The following PPM1E variants were observed in gnomAD, a reference collection of about 807,000 sequenced individuals.
The protein encoded by PPM1E is protein phosphatase 1E.
PPM1E carries 20 observed loss-of-function variants against 65.9 expected under a neutral mutation model. The observed-to-expected ratio is 0.30, with a 90% CI of 0.21 to 0.44. The LOEUF (loss-of-function observed/expected upper bound fraction) is 0.44, where lower values mean the gene tolerates loss of function less well. PPM1E is among the 20% of genes least tolerant of loss of function. The probability of loss-of-function intolerance (pLI) is 1.00; values close to 1 mark genes in which losing one functional copy is unlikely to be tolerated. For synonymous variants in PPM1E, 352 were observed against 374.9 expected (o/e 0.94, Z 0.70); for missense variants, 713 against 953.1 (o/e 0.75, Z 3.32).
At chr17:58,762,808 G>T (rs2049835121) in intron 1 of PPM1E, among the ~76,000 whole-genome samples, 1 of 150,228 alleles carries the variant, frequency 6.7e-6, no homozygotes, top group Non-Finnish European at 1.5e-5. Flanking sequence ...TGAGGCAGGA[G>T]AATGGCGTGA....
chr17:58,977,663 T>C (rs1028948366), intron 6 of PPM1E, among the ~76,000 whole-genome samples: 8 of 152,210 alleles, frequency 5.3e-5, no homozygotes, highest in African/African-American at 1.9e-4. Context: ...TGTGCCCACA[T>C]TGGTTCTAGC....
intron 1 of PPM1E, among the ~76,000 whole-genome samples, chr17:58,940,789 C>T (rs1023162009): frequency 3.9e-5 from 6 of 152,152 alleles, no homozygotes; most frequent in African/African-American, 1.4e-4. Flanking sequence ...GGACTCACTG[C>T]AACCTGCACC....
At chr17:58,792,025 G>A (rs8068677) in intron 1 of PPM1E, among the ~76,000 whole-genome samples, 21,983 of 151,520 alleles carry the variant, frequency 0.15, 2,470 homozygotes, top group East Asian at 0.31. Context: ...TCCCATCTTT[G>A]TGTCTTTCTT....
intron 1 of PPM1E, among the ~76,000 whole-genome samples, chr17:58,840,707 GAAAT>G (rs531852551): frequency 2.3e-4 from 35 of 152,218 alleles, no homozygotes; most frequent in African/African-American, 8.2e-4. Context: ...GGAAAATTTA[GAAAT>G]ATTTGAGCAA....
chr17:58,872,211 T>C (rs1053409561), intron 1 of PPM1E, among the ~76,000 whole-genome samples: 3 of 151,878 alleles, frequency 2.0e-5, no homozygotes, highest in African/African-American at 7.3e-5. Flanking sequence ...ACAGGAGAAT[T>C]GCTTGAACCC....
chr17:58,951,329 T>C (rs2052235512), intron 1 of PPM1E: 1 of 152,214 alleles, frequency 6.6e-6, no homozygotes, highest in South Asian at 2.1e-4. Context: ...GGTGACCTTC[T>C]GGGAGCAGAG....
intron 1 of PPM1E, among the ~76,000 whole-genome samples, chr17:58,863,208 T>A (rs2050961150): frequency 6.6e-6 from 1 of 152,218 alleles, no homozygotes. Context: ...CTCACGCCTG[T>A]AATCCCAACA....
intron 1 of PPM1E, among the ~76,000 whole-genome samples, chr17:58,765,877 CTTTTTTTTTTTT>C (rs35401844): frequency 3.3e-5 from 4 of 122,884 alleles, no homozygotes; most frequent in Non-Finnish European, 6.9e-5. Context: ...TTTGTAGTTT[CTTTTTTTTTTTT>C]TTTTTTTCCA....
chr17:58,945,462 A>T (rs1303766037), intron 1 of PPM1E, among the ~76,000 whole-genome samples: 3 of 152,148 alleles, frequency 2.0e-5, no homozygotes, highest in Admixed American at 2.0e-4. Context: ...TCTGACACTA[A>T]AAGTGTGTGG....
chr17:58,979,202 C>A (rs139811842), intron 6 of PPM1E, among the ~76,000 whole-genome samples: 1 of 151,976 alleles, frequency 6.6e-6, no homozygotes, highest in Non-Finnish European at 1.5e-5. Flanking sequence ...AGAAGTGGGG[C>A]GATGAGCAGA....
chr17:58,847,264 C>T (rs889487015), intron 1 of PPM1E, among the ~76,000 whole-genome samples: 1 of 152,198 alleles, frequency 6.6e-6, no homozygotes, highest in Non-Finnish European at 1.5e-5. Context: ...TGCAGAAGCT[C>T]TTTAGTTTAA....
chr17:58,763,495 T>G, intron 1 of PPM1E, among the ~76,000 whole-genome samples: 1 of 152,112 alleles, frequency 6.6e-6, no homozygotes, highest in East Asian at 1.9e-4. Flanking sequence ...AAGAAACAAC[T>G]CTACACTATG....
chr17:58,936,520 A>G (rs1277800725), intron 1 of PPM1E, among the ~76,000 whole-genome samples: 2 of 152,200 alleles, frequency 1.3e-5, no homozygotes, highest in Non-Finnish European at 2.9e-5. Context: ...GTTGAAACAC[A>G]GCTGTGGGTG....
chr17:58,949,847 C>G (rs976337981), intron 1 of PPM1E, among the ~76,000 whole-genome samples: 12 of 152,242 alleles, frequency 7.9e-5, no homozygotes, highest in African/African-American at 2.9e-4. Flanking sequence ...TTTTATTTCT[C>G]CTTCATTTTT....
rs550633794 is a variant in PPM1E, at chr17:58,982,728, T to G, written c.*1697T>G. The G allele has an allele frequency of 7.5e-6, 4 of 530,716 alleles. No individual in the cohort carries two copies. In the East Asian group the frequency reaches 1.2e-4, roughly 16 times the overall value. 32.9% of individuals were successfully genotyped at this position (530,716 alleles called of 1,614,324 possible). ...TTTCAGTATTTGTTTTCTCTTGATT[T>G]TGAAGTCATTTCTTCTTCTCACGTC... On this transcript the variant is annotated 3_prime_UTR_variant, in exon 7 of 7. Transcript: ENST00000308249.
At chr17:58,975,820 G>C (rs1353519976) in intron 6 of PPM1E, among the ~76,000 whole-genome samples, 5 of 152,206 alleles carry the variant, frequency 3.3e-5, no homozygotes, top group African/African-American at 1.2e-4. Context: ...AGCTGGGCTA[G>C]AGTAGAAAGA....
chr17:58,935,175 C>T (rs1375246665), intron 1 of PPM1E, among the ~76,000 whole-genome samples: 18 of 150,142 alleles, frequency 1.2e-4, no homozygotes, highest in East Asian at 4.0e-4. Flanking sequence ...CGCTTGAACC[C>T]GAGAGACGGA....
chr17:58,841,828 C>T (rs1438038152), intron 1 of PPM1E, among the ~76,000 whole-genome samples: 1 of 152,140 alleles, frequency 6.6e-6, no homozygotes, highest in East Asian at 1.9e-4. Context: ...CTGCCTCAGC[C>T]TCCTGAGTAG....
rs753370383 is a variant in PPM1E at position 58,755,960 on chromosome 17, C to T, written c.-38C>T. The T allele has an allele frequency of 6.2e-7, 1 of 1,613,190 alleles. No individual in the cohort carries two copies. The highest frequency in any genetic ancestry group is 8.5e-7 in the Non-Finnish European group (1 of 1,179,482). ...CCCCTTACCCTTCCTGGGCTTCCCC[C>T]AACCCCTTTCCCGGTCTGCCCTGGG... On this transcript the variant is annotated 5_prime_UTR_variant, in exon 1 of 7. Coordinates refer to ENST00000308249, the MANE Select transcript of PPM1E (RefSeq NM_014906.5).
Sources: gnomAD v4.1 joint callset for allele counts (sites outside exome capture counted in the v4.1 genomes callset) on GRCh38, gnomAD v4.1.1 for gene constraint, MANE v1.5 for transcripts, NCBI Gene and HGNC (gene_info 2026-07-23, HGNC 2026-07-21) for gene names.